ITK: variants seen among roughly 807,000 people sequenced by gnomAD.
The protein encoded by ITK is tyrosine-protein kinase ITK/TSK.
Under a neutral mutation model 87.6 loss-of-function variants are expected in ITK, and 45 were observed. That is an observed-to-expected ratio of 0.51 (90% CI 0.40 to 0.66). The LOEUF (loss-of-function observed/expected upper bound fraction) is 0.66. Among genes scored for constraint, ITK ranks in the 30% least tolerant of loss-of-function variants. The pLI, the probability that ITK is intolerant of heterozygous loss-of-function variation, is 0.00. For synonymous variants in ITK, 303 were observed against 273.6 expected (o/e 1.11, Z -1.06); for missense variants, 605 against 766.3 (o/e 0.79, Z 2.48).
intron 8 of ITK, among the ~76,000 whole-genome samples, chr5:157,233,942 TATATATATATATATATA>T: frequency 6.1e-5 from 1 of 16,440 alleles, no homozygotes; most frequent in Non-Finnish European, 1.4e-4. Context: ...CATATATATA[TATATATATATATATATA>T]TATATTTTTT....
intron 6 of ITK, 33 bp from the exon 7 acceptor site, chr5:157,228,263 T>G: frequency 7.6e-7 from 1 of 1,310,102 alleles, no homozygotes; most frequent in Non-Finnish European, 1.1e-6. Flanking sequence ...CTTAGTTCTA[T>G]GTAAGTCTAA....
At position 157,217,620 on chromosome 5, in the gene ITK, G is replaced by A. The variant is rs148968840; in HGVS notation, c.455-247G>A. ...ACAGAAAGAGAGGGCCCCCGAATATGGACTTCTGGAAGCTTCTGGTGTGTA... is the reference window on the plus strand; with the variant it reads ...ACAGAAAGAGAGGGCCCCCGAATATAGACTTCTGGAAGCTTCTGGTGTGTA... On this transcript the variant is annotated intron_variant, in intron 4 of 16. Coordinates refer to ENST00000422843, the MANE Select transcript of ITK (RefSeq NM_005546.4). 5.9e-5 allele frequency among the ~76,000 whole-genome samples: 9 copies of A among 152,244 alleles called. No individual in the cohort carries two copies. In the East Asian group the frequency reaches 1.4e-3, roughly 23 times the overall value.
At chr5:157,185,682 C>CA (rs397831582) in intron 1 of ITK, among the ~76,000 whole-genome samples, 18,256 of 84,524 alleles carry the variant, frequency 0.22, 1,321 homozygotes, top group Middle Eastern at 0.34. Flanking sequence ...TCCGTCTCCA[C>CA]AAAAAAAAAA....
chr5:157,217,737 C>A, intron 4 of ITK, 130 bp from the exon 5 acceptor site: 1 of 771,186 alleles, frequency 1.3e-6, no homozygotes. Flanking sequence ...CTTATTGCTC[C>A]TTCTGGCCCC....
intron 1 of ITK, among the ~76,000 whole-genome samples, chr5:157,190,466 TAATGGAGGC>T (rs1753731401): frequency 6.6e-6 from 1 of 152,206 alleles, no homozygotes; most frequent in Non-Finnish European, 1.5e-5. Flanking sequence ...CAGTGGTAAG[TAATGGAGGC>T]AGGTGTCTTA....
intron 1 of ITK, among the ~76,000 whole-genome samples, chr5:157,207,377 C>CTTT (rs536290068): frequency 0.013 from 790 of 59,110 alleles, 170 homozygotes; most frequent in African/African-American, 0.037. Flanking sequence ...AGATACGTCT[C>CTTT]TTTTTTTTTT....
intron 6 of ITK, among the ~76,000 whole-genome samples, chr5:157,225,483 G>A (rs1386560075): frequency 2.6e-5 from 4 of 151,844 alleles, no homozygotes; most frequent in African/African-American, 9.7e-5. Flanking sequence ...AAAAAAGAGG[G>A]GCACAAATAT....
intron 16 of ITK, 48 bp from the exon 17 acceptor site, chr5:157,252,559 T>A (rs1384673188): frequency 1.4e-6 from 2 of 1,405,904 alleles, no homozygotes; most frequent in Non-Finnish European, 2.0e-6. Context: ...GATTTACCTA[T>A]GACGCATAAG....
intron 7 of ITK, among the ~76,000 whole-genome samples, chr5:157,229,548 TC>T (rs1460636747): frequency 3.6e-4 from 54 of 152,042 alleles, no homozygotes; most frequent in African/African-American, 1.3e-3. Context: ...AAAATTAATG[TC>T]CTGGGCTCTT....
At chr5:157,221,066 G>A (rs1754403902) in intron 5 of ITK, among the ~76,000 whole-genome samples, 1 of 152,010 alleles carries the variant, frequency 6.6e-6, no homozygotes, top group South Asian at 2.1e-4. Context: ...ATCAACAAAT[G>A]TTCTAACTGT....
Position 157,252,830 on chromosome 5 carries a change from C to T in ITK, c.*152C>T, listed in dbSNP as rs1341491802. ...AGTCCCTGAGTCACCATGGAAGCAG[C>T]ATCCTGACCACAGCTGGCAGTCAAG... On this transcript the variant is annotated 3_prime_UTR_variant, in exon 17 of 17. Coordinates refer to ENST00000422843, the MANE Select transcript of ITK (RefSeq NM_005546.4). 7 of 693,910 alleles carry T rather than the reference C, an allele frequency of 1.0e-5. No individual in the cohort carries two copies. The highest frequency in any genetic ancestry group is 1.6e-5 in the Non-Finnish European group (6 of 379,740). 43.0% of individuals were successfully genotyped at this position (693,910 alleles called of 1,614,324 possible).
chr5:157,213,761 A>G (rs764472453), intron 3 of ITK: 1 of 350,908 alleles, frequency 2.8e-6, no homozygotes, highest in Non-Finnish European at 5.5e-6. Flanking sequence ...CTTCAAAGCC[A>G]CAAACCTAGA....
rs530113163 is a variant in ITK at position 157,247,274 on chromosome 5, T to C, written c.1633+1275T>C. On this transcript the variant is annotated intron_variant, in intron 15 of 16. Coordinates refer to ENST00000422843, the MANE Select transcript of ITK (RefSeq NM_005546.4). ...ACCTATTTCTTAAAACAGTACCCTA[T>C]TAACCAACCCTTGCAGCTACTTTGT... 1.9e-4 allele frequency among the ~76,000 whole-genome samples: 29 copies of C among 152,360 alleles called. No individual in the cohort carries two copies. In the South Asian group the frequency reaches 5.8e-3, roughly 30 times the overall value.
intron 5 of ITK, among the ~76,000 whole-genome samples, chr5:157,221,118 A>T (rs1754404671): frequency 6.6e-6 from 1 of 152,180 alleles, no homozygotes; most frequent in Non-Finnish European, 1.5e-5. Flanking sequence ...ATAACAAAAT[A>T]TGTGTTTCTA....
intron 7 of ITK, among the ~76,000 whole-genome samples, chr5:157,229,565 A>C (rs755060869): frequency 2.6e-5 from 4 of 152,222 alleles, no homozygotes; most frequent in Non-Finnish European, 4.4e-5. Flanking sequence ...CTCTTCAAAA[A>C]AAAATGTTAA....
intron 1 of ITK, among the ~76,000 whole-genome samples, chr5:157,181,613 T>G (rs1316203725): frequency 6.6e-6 from 1 of 152,212 alleles, no homozygotes; most frequent in East Asian, 1.9e-4. Flanking sequence ...CATGAATAAC[T>G]CTGTTTGTCT....
intron 5 of ITK, among the ~76,000 whole-genome samples, chr5:157,218,907 G>T (rs1455086963): frequency 2.0e-5 from 3 of 152,008 alleles, no homozygotes; most frequent in Non-Finnish European, 4.4e-5. Flanking sequence ...TGGGGGAGGG[G>T]CCCAGGAATC....
intron 5 of ITK, 47 bp from the exon 6 acceptor site, chr5:157,222,816 C>T (rs1454746466): frequency 1.2e-6 from 2 of 1,608,562 alleles, no homozygotes; most frequent in Non-Finnish European, 1.7e-6. Flanking sequence ...AGGCATTTTA[C>T]CTCCTTTTTT....
intron 8 of ITK, among the ~76,000 whole-genome samples, chr5:157,233,572 C>G (rs1176837887): frequency 6.6e-6 from 1 of 152,146 alleles, no homozygotes; most frequent in African/African-American, 2.4e-5. Context: ...GAATCAGAGT[C>G]TCTAGTGTTA....
Sources: allele counts gnomAD v4.1 joint callset (sites outside exome capture counted in the v4.1 genomes callset), GRCh38; gene constraint gnomAD v4.1.1; transcripts MANE v1.5; gene names NCBI Gene and HGNC (gene_info 2026-07-23, HGNC 2026-07-21).